Variants in SH3GL2 observed in about 807,000 individuals in gnomAD.
SH3GL2 encodes the protein endophilin-A1.
Under a neutral mutation model 46.0 loss-of-function variants are expected in SH3GL2, and 24 were observed. The observed-to-expected ratio is 0.52, with a 90% CI of 0.38 to 0.73. The LOEUF is 0.73. Ranked by LOEUF, SH3GL2 falls within the 30% of genes least tolerant of loss-of-function variation. The pLI is 0.00. For synonymous variants in SH3GL2, 196 were observed against 147.1 expected, an observed-to-expected ratio of 1.33 and a Z score of -2.40; for missense variants, 413 against 424.2, an observed-to-expected ratio of 0.97 and a Z score of 0.23.
At chr9:17,615,016 G>A (rs1369357257) in intron 1 of SH3GL2, among the ~76,000 whole-genome samples, 2 of 152,192 alleles carry the variant, frequency 1.3e-5, no homozygotes, top group African/African-American at 2.4e-5. Flanking sequence ...TGACTAGAGT[G>A]AGCATGTCCT....
chr9:17,775,008 G>C (rs2131170200), intron 3 of SH3GL2, among the ~76,000 whole-genome samples: 1 of 152,172 alleles, frequency 6.6e-6, no homozygotes, highest in East Asian at 1.9e-4. Flanking sequence ...AGTTAGTCTT[G>C]GTAGGTTTTG....
Position 17,787,503 on chromosome 9 carries a change from G to C in SH3GL2, c.455G>C (p.Arg152Thr). The change falls in exon 5 of 9, where the codon AGG (arginine) becomes ACG (threonine). Residue 152 changes from arginine (R) to threonine (T), a missense_variant. This residue lies in a region of SH3GL2 where 160 missense variants were observed against 192.3 expected (regional missense o/e 0.83). Coordinates refer to ENST00000380607, the MANE Select transcript of SH3GL2 (RefSeq NM_003026.5). Reference sequence around the variant, plus strand: ...CAGAATCTTCATGACAAAGATCTTAGGGAAATTCAAGTATGTACAATGAGT... The same window carrying C: ...CAGAATCTTCATGACAAAGATCTTACGGAAATTCAAGTATGTACAATGAGT... ...PLQNLHDKDL[R>T]EIQHHLKKLE... 6.2e-7 allele frequency: 1 copy of C among 1,612,638 alleles called. No homozygotes were observed. The highest frequency in any genetic ancestry group is 8.5e-7 in the Non-Finnish European group (1 of 1,179,080).
At chr9:17,745,974 T>C (rs1471467078) in intron 1 of SH3GL2, among the ~76,000 whole-genome samples, 2 of 152,242 alleles carry the variant, frequency 1.3e-5, no homozygotes, top group African/African-American at 4.8e-5. Flanking sequence ...TTCGTGCCAT[T>C]AACATTTAGT....
intron 1 of SH3GL2, among the ~76,000 whole-genome samples, chr9:17,736,889 A>C (rs1346940678): frequency 6.6e-6 from 1 of 152,158 alleles, no homozygotes; most frequent in African/African-American, 2.4e-5. Context: ...AATATTGTAC[A>C]CAAAAATATG....
chr9:17,778,603 A>G (rs59114776), intron 3 of SH3GL2, among the ~76,000 whole-genome samples: 17,627 of 152,122 alleles, frequency 0.12, 1,137 homozygotes, highest in Admixed American at 0.15. Context: ...GATGTGATCT[A>G]AATTACACTA....
At chr9:17,750,455 T>C (rs533715473) in intron 2 of SH3GL2, among the ~76,000 whole-genome samples, 1 of 152,304 alleles carries the variant, frequency 6.6e-6, no homozygotes, top group South Asian at 2.1e-4. Flanking sequence ...AAAATCATCA[T>C]GTGTGTCCCT....
At chr9:17,679,842 C>T (rs904345575) in intron 1 of SH3GL2, among the ~76,000 whole-genome samples, 23 of 152,068 alleles carry the variant, frequency 1.5e-4, no homozygotes, top group South Asian at 1.0e-3. Flanking sequence ...GCATGAAGGG[C>T]TGTTGAATTT....
Position 17,579,142 on chromosome 9 carries a change from G to C in SH3GL2, c.-101G>C. On this transcript the variant is annotated 5_prime_UTR_variant, in exon 1 of 9. Transcript: ENST00000380607. ...GCGCCCATAGCCCCGGCGGCGGCAC[G>C]ACCAGAGGCGGCCAGGGGAGCGCGC... is the stretch of plus-strand genomic sequence containing the variant. 1.3e-6 allele frequency: 1 copy of C among 779,488 alleles called. No individual in the cohort carries two copies. The highest frequency in any genetic ancestry group is 1.9e-6 in the Non-Finnish European group (1 of 532,408). The allele number at this position is 779,488 out of a possible 1,614,324, so 48.3% of individuals were successfully genotyped here.
chr9:17,691,118 C>T (rs1470866661), intron 1 of SH3GL2, among the ~76,000 whole-genome samples: 1 of 152,130 alleles, frequency 6.6e-6, no homozygotes, highest in East Asian at 1.9e-4. Context: ...GAATTGGTCT[C>T]GGCAGGTGCC....
chr9:17,762,001 C>A (rs1207120859), intron 3 of SH3GL2, among the ~76,000 whole-genome samples: 1 of 152,136 alleles, frequency 6.6e-6, no homozygotes, highest in Non-Finnish European at 1.5e-5. Flanking sequence ...CATCACAGAT[C>A]AGCATTGGTT....
At chr9:17,629,204 G>A (rs775358065) in intron 1 of SH3GL2, among the ~76,000 whole-genome samples, 2 of 152,100 alleles carry the variant, frequency 1.3e-5, no homozygotes, top group Non-Finnish European at 2.9e-5. Context: ...GGCCTTTGTG[G>A]CCCTCATATT....
chr9:17,705,066 TA>T (rs918248011), intron 1 of SH3GL2, among the ~76,000 whole-genome samples: 2 of 151,472 alleles, frequency 1.3e-5, no homozygotes, highest in African/African-American at 2.4e-5. Flanking sequence ...AAAACCCCAT[TA>T]AAAAATGCAC....
chr9:17,786,622 A>G, intron 4 of SH3GL2, 98 bp downstream of exon 4: 3 of 1,371,110 alleles, frequency 2.2e-6, no homozygotes, highest in Non-Finnish European at 3.1e-6. Context: ...ATCATTTTAT[A>G]TTTTGGTTTT....
intron 1 of SH3GL2, among the ~76,000 whole-genome samples, chr9:17,622,976 G>C (rs10125499): frequency 1.3e-4 from 10 of 78,744 alleles, no homozygotes; most frequent in African/African-American, 4.3e-4. Flanking sequence ...TTTTCCTTTC[G>C]TTTCCTTTCG....
intron 1 of SH3GL2, among the ~76,000 whole-genome samples, chr9:17,702,178 C>G (rs1821355116): frequency 6.6e-6 from 1 of 151,934 alleles, no homozygotes; most frequent in Admixed American, 6.6e-5. Flanking sequence ...GATGGATAGT[C>G]TGCTTGGAAA....
At chr9:17,753,937 C>G (rs895700716) in intron 2 of SH3GL2, among the ~76,000 whole-genome samples, 4 of 152,174 alleles carry the variant, frequency 2.6e-5, no homozygotes, top group African/African-American at 9.7e-5. Context: ...AATAGGGAAT[C>G]TTTTCCCCAT....
At chr9:17,661,584 T>C (rs1820216534) in intron 1 of SH3GL2, among the ~76,000 whole-genome samples, 2 of 152,250 alleles carry the variant, frequency 1.3e-5, no homozygotes, top group African/African-American at 4.8e-5. Flanking sequence ...CCATTTATGT[T>C]TATTTAAATA....
chr9:17,623,112 T>C (rs908225827), intron 1 of SH3GL2, among the ~76,000 whole-genome samples: 1 of 142,618 alleles, frequency 7.0e-6, no homozygotes, highest in Non-Finnish European at 1.5e-5. Flanking sequence ...GCATTCGTTC[T>C]GCTTTAGTTC....
At chr9:17,730,171 C>T (rs1264814795) in intron 1 of SH3GL2, among the ~76,000 whole-genome samples, 1 of 152,068 alleles carries the variant, frequency 6.6e-6, no homozygotes, top group African/African-American at 2.4e-5. Context: ...TGAAGAGGTC[C>T]TTCACATCCC....
Sources: gnomAD v4.1 joint callset for allele counts (sites outside exome capture counted in the v4.1 genomes callset) on GRCh38, gnomAD v4.1.1 for gene constraint, gnomAD v4.1.1 regional missense constraint, MANE v1.5 for transcripts, NCBI Gene and HGNC (gene_info 2026-07-23, HGNC 2026-07-21) for gene names.